The following PRKG1 variants were observed in gnomAD, a reference collection of about 807,000 sequenced individuals.
PRKG1 encodes cGMP-dependent protein kinase 1.
A neutral mutation model predicts 88.1 loss-of-function variants in PRKG1; 35 were observed. The ratio of observed to expected loss-of-function variants is 0.40; its 90% CI spans 0.30 to 0.53. The LOEUF is 0.53. Among genes scored for constraint, PRKG1 ranks in the 20% least tolerant of loss-of-function variants. PRKG1 has a pLI of 0.59. For synonymous variants in PRKG1, 303 were observed against 292.5 expected (o/e 1.04, Z -0.37); for missense variants, 540 against 839.8 (o/e 0.64, Z 4.41).
chr10:51,118,035 T>C (rs1845169433), intron 1 of PRKG1, among the ~76,000 whole-genome samples: 1 of 152,192 alleles, frequency 6.6e-6, no homozygotes, highest in South Asian at 2.1e-4. Flanking sequence ...GACTTGCAGA[T>C]GTCATAGATG....
At chr10:51,923,377 T>G (rs563305949) in intron 5 of PRKG1, among the ~76,000 whole-genome samples, 22 of 151,808 alleles carry the variant, frequency 1.4e-4, no homozygotes, top group African/African-American at 5.3e-4. Flanking sequence ...TTTACACTGT[T>G]CAAATTTAAA....
chr10:51,249,033 A>C (rs1839362479), intron 2 of PRKG1, among the ~76,000 whole-genome samples: 1 of 151,838 alleles, frequency 6.6e-6, no homozygotes, highest in Admixed American at 6.6e-5. Flanking sequence ...GATTAAAAGC[A>C]ATATAAGGTT....
At chr10:51,374,112 A>ATATATATATATG in intron 2 of PRKG1, among the ~76,000 whole-genome samples, 1 of 143,878 alleles carries the variant, frequency 7.0e-6, no homozygotes, top group African/African-American at 2.5e-5. Context: ...ATATATATAT[A>ATATATATATATG]TGTACTTTAA....
chr10:52,151,773 C>G (rs1001441933), intron 8 of PRKG1, among the ~76,000 whole-genome samples: 15 of 152,108 alleles, frequency 9.9e-5, no homozygotes, highest in Non-Finnish European at 2.1e-4. Flanking sequence ...ATATTTTCCT[C>G]CTAAACACTG....
intron 3 of PRKG1, among the ~76,000 whole-genome samples, chr10:51,471,471 C>T (rs954979835): frequency 2.0e-5 from 3 of 151,888 alleles, no homozygotes; most frequent in African/African-American, 4.8e-5. Context: ...ATCATTATCA[C>T]GTTTTCCTAA....
In PRKG1 at chr10:51,878,444, T is replaced by A. The variant is rs7921347; in HGVS notation, c.699-29063T>A. Among the ~76,000 whole-genome samples the A allele has an allele frequency of 2.0e-5, 3 of 152,092 alleles. No homozygotes were observed. The East Asian group carries it at 5.8e-4, about 29-fold the overall frequency. ...GGATAACATCAGTCTAGAAAGTGGA[T>A]GTAAAAATATTCAGAGCAAATTAGC... On this transcript the variant is annotated intron_variant, in intron 4 of 17. Transcript: ENST00000373980.
At chr10:52,190,687 C>T (rs1839337896) in intron 9 of PRKG1, among the ~76,000 whole-genome samples, 1 of 152,112 alleles carries the variant, frequency 6.6e-6, no homozygotes, top group South Asian at 2.1e-4. Context: ...CATTTGTGCA[C>T]TTTTAGATAC....
At chr10:51,637,876 A>G (rs1039754452) in intron 3 of PRKG1, among the ~76,000 whole-genome samples, 18 of 152,200 alleles carry the variant, frequency 1.2e-4, no homozygotes, top group African/African-American at 4.3e-4. Flanking sequence ...GGCACATGTT[A>G]GCCTATGTAA....
intron 2 of PRKG1, among the ~76,000 whole-genome samples, chr10:51,357,670 G>A (rs1842395335): frequency 6.6e-6 from 1 of 151,890 alleles, no homozygotes; most frequent in African/African-American, 2.4e-5. Flanking sequence ...ATAGTCATTA[G>A]GGTTCTTTTT....
intron 3 of PRKG1, among the ~76,000 whole-genome samples, chr10:51,570,049 G>GTATATATATATATATATA (rs10617123): frequency 1.6e-5 from 2 of 128,836 alleles, no homozygotes; most frequent in African/African-American, 3.5e-5. Context: ...ACCCAAACTA[G>GTATATATATATATATATA]TATATATATA....
chr10:51,507,298 T>TGA (rs200381362), intron 3 of PRKG1, among the ~76,000 whole-genome samples: 1 of 150,296 alleles, frequency 6.7e-6, no homozygotes, highest in Non-Finnish European at 1.5e-5. Flanking sequence ...ACTTAAAGTA[T>TGA]AAAAAAAAAT....
intron 5 of PRKG1, among the ~76,000 whole-genome samples, chr10:52,008,359 A>G (rs944473600): frequency 5.3e-5 from 8 of 152,138 alleles, no homozygotes; most frequent in African/African-American, 1.9e-4. Context: ...TGAAAAAATT[A>G]ATAAGATAGA....
chr10:52,174,838 T>G lies in PRKG1; in HGVS notation c.1076+12875T>G, dbSNP rs59769954. On this transcript the variant is annotated intron_variant, in intron 9 of 17. Transcript: ENST00000373980. ...TCTGCTTTATATGATTTTATTTTTA[T>G]CTACATTGTTATATCAATGCATCTT... 9.2e-4 allele frequency among the ~76,000 whole-genome samples: 140 copies of G among 152,168 alleles called. 3 individuals carry two copies. The East Asian group carries it at 0.02, about 22-fold the overall frequency.
intron 2 of PRKG1, among the ~76,000 whole-genome samples, chr10:51,394,497 A>G (rs1425412440): frequency 6.6e-6 from 1 of 152,214 alleles, no homozygotes; most frequent in Non-Finnish European, 1.5e-5. Context: ...TTGATTAGCA[A>G]GCAACAGGAA....
At chr10:51,567,038 C>T (rs7909715) in intron 3 of PRKG1, among the ~76,000 whole-genome samples, 130,700 of 151,736 alleles carry the variant, frequency 0.86, 56,352 homozygotes, top group East Asian at 1. Flanking sequence ...ACATATATCA[C>T]AACACTAAGT....
At chr10:52,245,892 T>C (rs1241277437) in intron 9 of PRKG1, among the ~76,000 whole-genome samples, 1 of 152,048 alleles carries the variant, frequency 6.6e-6, no homozygotes, top group African/African-American at 2.4e-5. Flanking sequence ...TTGCCTTTTG[T>C]TCTGTTGGCT....
rs558777374 is a variant in PRKG1, at chr10:51,396,166, G to C, written c.479-71557G>C. On this transcript the variant is annotated intron_variant, in intron 2 of 17. Transcript: ENST00000373980. ...TTTAGTAGACTGAAGTGGGTGGATC[G>C]CTTGAGGCCAGGAGTTTGAGATCAG... Among the ~76,000 whole-genome samples, 9 of 152,212 alleles carry C rather than the reference G, an allele frequency of 5.9e-5. No homozygotes were observed. In the South Asian group the frequency reaches 1.9e-3, roughly 32 times the overall value.
At chr10:52,111,082 C>A (rs1237182374) in intron 7 of PRKG1, among the ~76,000 whole-genome samples, 3 of 152,048 alleles carry the variant, frequency 2.0e-5, no homozygotes, top group African/African-American at 7.2e-5. Flanking sequence ...ATAGGTAAAT[C>A]TAGGCACAAT....
In PRKG1 at chr10:51,065,365, T is replaced by C. The variant is rs115437026; in HGVS notation, c.266+73721T>C. Among the ~76,000 whole-genome samples, 392 of 151,840 alleles carry C rather than the reference T, an allele frequency of 2.6e-3. 1 individual carries two copies. Among genetic ancestry groups the C allele is most frequent in the African/African-American group, 8.8e-3 (365 of 41,436 alleles). On this transcript the variant is annotated intron_variant, in intron 1 of 17. Transcript: ENST00000401604. The stretch of plus-strand genomic sequence containing the variant: ...GTGATTTAAAAGTGCATTGAGAGAG[T>C]TGAAAAAAGTAGTTGGATATCAAGA...
Sources: gnomAD v4.1 joint callset for allele counts (sites outside exome capture counted in the v4.1 genomes callset) on GRCh38, gnomAD v4.1.1 for gene constraint, MANE v1.5 for transcripts, NCBI Gene and HGNC (gene_info 2026-07-23, HGNC 2026-07-21) for gene names.